Variants in RBM28 observed in about 807,000 individuals in gnomAD.
The protein encoded by RBM28 is RNA binding motif protein 28, also known as RNA-binding protein 28.
In RBM28, 78 loss-of-function variants were observed where a neutral mutation model predicts 98.3. That is an observed-to-expected ratio of 0.79 (90% CI 0.66 to 0.96). The LOEUF (loss-of-function observed/expected upper bound fraction) is 0.96, where lower values mean the gene tolerates loss of function less well. RBM28 is among the 40% of genes least tolerant of loss of function. The pLI, the probability that RBM28 is intolerant of heterozygous loss-of-function variation, is 0.00. For missense variants in RBM28, 838 were observed against 913.0 expected, an observed-to-expected ratio of 0.92 and a Z score of 1.06; for synonymous variants, 306 against 330.9, an observed-to-expected ratio of 0.92 and a Z score of 0.82.
In RBM28 at chr7:128,298,871, G is replaced by C. The variant is rs1354112565; in HGVS notation, c.*11926C>G. The C allele has an allele frequency of 1.3e-5, 2 of 152,092 alleles. No individual in the cohort carries two copies. Among genetic ancestry groups the C allele is most frequent in the African/African-American group, 4.8e-5 (2 of 41,384 alleles). The allele number at this position is 152,092 out of a possible 1,614,324, so 9.4% of individuals were successfully genotyped here. ...TAACAAATACACCAAAAATTAGCTA[G>C]GCATGGTGGTGTGTGCCTGTAGTCT... On this transcript the variant is annotated 3_prime_UTR_variant, in exon 19 of 19. Transcript: ENST00000223073.
At chr7:128,312,446 C>T (rs918187877) in intron 18 of RBM28, among the ~76,000 whole-genome samples, 1 of 152,108 alleles carries the variant, frequency 6.6e-6, no homozygotes, top group Non-Finnish European at 1.5e-5. Flanking sequence ...AGCTACCAGA[C>T]CGAACTAACT....
chr7:128,308,031 T>C lies in RBM28; in HGVS notation c.*2766A>G, dbSNP rs567731612. On this transcript the variant is annotated 3_prime_UTR_variant, in exon 19 of 19. Transcript: ENST00000223073. ...TTTCCTGACACATCAGGCCCTGAAG[T>C]GAAGGAGAAGTGAGCACAACTCTCA... is the stretch of plus-strand genomic sequence containing the variant. 2.6e-5 allele frequency: 4 copies of C among 152,148 alleles called. No homozygotes were observed. The highest frequency in any genetic ancestry group is 5.9e-5 in the Non-Finnish European group (4 of 68,008). 9.4% of individuals were successfully genotyped at this position (152,148 alleles called of 1,614,324 possible). A position where few individuals can be genotyped will look rare whatever the true frequency, so the allele number is the denominator to read the frequency against.
rs368728457 is a variant in RBM28, at chr7:128,324,554, C to T, written c.1339+5G>A. 2 of 1,614,194 alleles carry T rather than the reference C, an allele frequency of 1.2e-6. No homozygotes were observed. Among genetic ancestry groups the T allele is most frequent in the Non-Finnish European group, 8.5e-7 (1 of 1,180,028 alleles). On this transcript the variant is annotated splice_donor_5th_base_variant and intron_variant, in intron 12 of 18. Transcript: ENST00000223073. ...TAGAAGTGTGGGTTACATCTCCCTA[C>T]TCACAGCCTTCTCGGGCCAGATAGA...
intron 10 of RBM28, among the ~76,000 whole-genome samples, chr7:128,328,195 T>G (rs1796395815): frequency 6.6e-6 from 1 of 152,188 alleles, no homozygotes; most frequent in South Asian, 2.1e-4. Context: ...GTGTACAGCA[T>G]TAACAGATAC....
In RBM28 at chr7:128,306,602, C is replaced by T. The variant is rs1402996778; in HGVS notation, c.*4195G>A. On this transcript the variant is annotated 3_prime_UTR_variant, in exon 19 of 19. Coordinates refer to ENST00000223073, the MANE Select transcript of RBM28 (RefSeq NM_018077.3). The stretch of plus-strand genomic sequence containing the variant: ...CAGGGAAGGAAACTGTGGGATGACA[C>T]TGTGGCAGTGAAGTCTCACATCTGA... The T allele has an allele frequency of 1.3e-5, 2 of 152,202 alleles. No homozygotes were observed. Among genetic ancestry groups the T allele is most frequent in the Non-Finnish European group, 2.9e-5 (2 of 68,048 alleles). 9.4% of individuals were successfully genotyped at this position (152,202 alleles called of 1,614,324 possible).
At chr7:128,326,033 AG>A in intron 10 of RBM28, 142 bp from the exon 11 acceptor site, 1 of 733,604 alleles carries the variant, frequency 1.4e-6, no homozygotes, top group South Asian at 1.5e-5. Flanking sequence ...AGCCGGGTGC[AG>A]TGGCTCACAC....
Position 128,313,246 on chromosome 7 carries a change from C to T in RBM28, c.2074G>A (p.Val692Ile), listed in dbSNP as rs150722434. The change falls in exon 18 of 19, where the codon GTC becomes ATC. Residue 692 changes from valine (V) to isoleucine (I), a missense_variant. By Grantham distance (29) the Val-to-Ile change is conservative (BLOSUM62 3). Transcript: ENST00000223073. ...RLRDKGKVKPVHPKKPKPQIN... is the reference protein window; with the variant it reads ...RLRDKGKVKPIHPKKPKPQIN... ...TGTGGCTTTGGCTTTTTGGGATGGA[C>T]GGGCTTCACTTTGCCTTTGTCCCGC... The T allele has an allele frequency of 1.1e-5, 17 of 1,614,090 alleles. No individual in the cohort carries two copies. Among genetic ancestry groups the T allele is most frequent in the Admixed American group, 5.0e-5 (3 of 60,018 alleles).
At position 128,338,424 on chromosome 7, in the gene RBM28, G is replaced by A. The variant is rs937407772; in HGVS notation, c.449-82C>T. The A allele has an allele frequency of 8.2e-6, 10 of 1,213,986 alleles. No individual in the cohort carries two copies. The African/African-American group carries it at 1.2e-4, about 14-fold the overall frequency. 75.2% of individuals were successfully genotyped at this position (1,213,986 alleles called of 1,614,324 possible). ...TAAGAAGTAAATTACTGCAATTCAG[G>A]CCCACAAGATGGCCCAAATTCTGCC... On this transcript the variant is annotated intron_variant, in intron 4 of 18. Transcript: ENST00000223073.
Position 128,321,270 on chromosome 7 carries a change from T to C in RBM28, c.1559A>G (p.Lys520Arg), listed in dbSNP as rs377305319. The change falls in exon 14 of 19, where the codon AAG (lysine) becomes AGG (arginine). Residue 520 changes from lysine to arginine, a missense_variant. Transcript: ENST00000223073. The stretch of plus-strand genomic sequence containing the variant: ...ATGGTCAGGGCCACGTCTCACCTCC[T>C]TGATGCGCACCCCTTTCTCTCCACT... ...ATSGEKGVRIKECRVMRDLKG... is the reference protein window; with the variant it reads ...ATSGEKGVRIRECRVMRDLKG... 1.2e-5 allele frequency: 19 copies of C among 1,614,042 alleles called. No individual in the cohort carries two copies. The highest frequency in any genetic ancestry group is 1.6e-5 in the Non-Finnish European group (19 of 1,180,002).
intron 13 of RBM28, among the ~76,000 whole-genome samples, chr7:128,322,103 T>C (rs1191496833): frequency 6.6e-6 from 1 of 150,664 alleles, no homozygotes; most frequent in Admixed American, 6.6e-5. Flanking sequence ...CAACAAATAA[T>C]ACTGTGATTA....
At position 128,310,853 on chromosome 7, in the gene RBM28, A is replaced by T. The variant is rs770931290; in HGVS notation, c.2224T>A (p.Leu742Met). Residue 742 changes from leucine (L) to methionine (M), a missense_variant, in exon 19 of 19, where the codon TTG becomes ATG. By Grantham distance (15) the Leu-to-Met change is conservative. Coordinates refer to ENST00000223073, the MANE Select transcript of RBM28 (RefSeq NM_018077.3). ...AGAGGTGCTCCTTTAGAAGGTCCCA[A>T]TAATTTCTGCTTATATTGTTCGACC... ...QLVEQYKQKL[L>M]GPSKGAPLAK... The T allele has an allele frequency of 1.2e-6, 2 of 1,614,136 alleles. No homozygotes were observed. Among genetic ancestry groups the T allele is most frequent in the Non-Finnish European group, 1.7e-6 (2 of 1,179,984 alleles).
intron 9 of RBM28, 24 bp downstream of exon 9, chr7:128,333,266 A>T (rs1252743272): frequency 1.3e-6 from 2 of 1,548,588 alleles, no homozygotes; most frequent in Non-Finnish European, 1.8e-6. Context: ...ACGCAAAAGC[A>T]ATTCTGGAGG....
chr7:128,325,800 A>G lies in RBM28; in HGVS notation c.1203+18T>C, dbSNP rs768412747. The G allele has an allele frequency of 3.8e-6, 6 of 1,599,430 alleles. No individual in the cohort carries two copies. The Admixed American group carries it at 6.7e-5, about 18-fold the overall frequency. On this transcript the variant is annotated intron_variant, in intron 11 of 18. Coordinates refer to ENST00000223073, the MANE Select transcript of RBM28 (RefSeq NM_018077.3). ...AACTGCCTCCTGTGTTATAAGGTAA[A>G]GGAAATATCTTCCTTACCTCATTCT...
At chr7:128,339,597 T>C (rs767383061) in intron 2 of RBM28, 36 bp downstream of exon 2, 3 of 1,602,406 alleles carry the variant, frequency 1.9e-6, no homozygotes, top group Non-Finnish European at 2.6e-6. Flanking sequence ...CTCCTCACCC[T>C]GGGAGAAAAA....
At chr7:128,321,144 C>A (rs1409221026) in intron 14 of RBM28, 122 bp downstream of exon 14, 2 of 1,365,756 alleles carry the variant, frequency 1.5e-6, no homozygotes, top group Admixed American at 1.8e-5. Context: ...ACAGCCTGGG[C>A]AACAGAGTGA....
chr7:128,325,869 C>T lies in RBM28; in HGVS notation c.1152G>A (p.Met384Ile). ...GGCATTTCTGAGCTGCTTCTTGAGTCATGAACTGGGCAAATGCACAACCTG... is the reference window on the plus strand; with the variant it reads ...GGCATTTCTGAGCTGCTTCTTGAGTTATGAACTGGGCAAATGCACAACCTG... ...HSKGCAFAQF[M>I]TQEAAQKCLL... The change falls in exon 11 of 19, where the codon ATG (methionine) becomes ATA (isoleucine). Residue 384 changes from methionine (M) to isoleucine (I), a missense_variant. By Grantham distance (10) the Met-to-Ile change is conservative (BLOSUM62 1). Coordinates refer to ENST00000223073, the MANE Select transcript of RBM28 (RefSeq NM_018077.3). The T allele has an allele frequency of 1.2e-6, 2 of 1,613,774 alleles. No individual in the cohort carries two copies. The highest frequency in any genetic ancestry group is 1.7e-6 in the Non-Finnish European group (2 of 1,179,938).
intron 10 of RBM28, among the ~76,000 whole-genome samples, chr7:128,326,228 TGGGAG>T (rs2116355082): frequency 6.6e-4 from 1 of 1,510 alleles, no homozygotes; most frequent in East Asian, 0.019. Flanking sequence ...GGCGTAAACC[TGGGAG>T]GCGGAGTTGC....
chr7:128,339,732 T>G lies in RBM28; in HGVS notation c.178A>C (p.Arg60=). 1 of 1,613,954 alleles carries G rather than the reference T, an allele frequency of 6.2e-7. No homozygotes were observed. The highest frequency in any genetic ancestry group is 8.5e-7 in the Non-Finnish European group (1 of 1,179,860). ...AAGGTGGTAATCTCCTTGAGGGCCC[T>G]CTGAACATCTTCCAGCATTGAAAAA... ...VTFSMLEDVQ[R]ALKEITTFEG... Residue 60 remains arginine, a synonymous_variant, in exon 2 of 19, where the codon AGG becomes CGG. Transcript: ENST00000223073.
chr7:128,315,255 G>A (rs982874587), intron 16 of RBM28, among the ~76,000 whole-genome samples: 1 of 152,192 alleles, frequency 6.6e-6, no homozygotes, highest in Non-Finnish European at 1.5e-5. Flanking sequence ...ACAGAAATAA[G>A]GGAGAGTGCA....
Sources: allele counts gnomAD v4.1 joint callset (sites outside exome capture counted in the v4.1 genomes callset), GRCh38; gene constraint gnomAD v4.1.1; transcripts MANE v1.5; gene names NCBI Gene and HGNC (gene_info 2026-07-23, HGNC 2026-07-21).